PLXNC1: variants seen among roughly 807,000 people sequenced by gnomAD.
PLXNC1 encodes the protein plexin C1.
Under a neutral mutation model 178.2 loss-of-function variants are expected in PLXNC1, and 75 were observed. The ratio of observed to expected loss-of-function variants is 0.42; its 90% confidence interval spans 0.35 to 0.51. PLXNC1 has a LOEUF of 0.51. Among genes scored for constraint, PLXNC1 ranks in the 20% least tolerant of loss-of-function variants. The pLI is 0.02. For synonymous variants in PLXNC1, 790 were observed against 779.9 expected, an observed-to-expected ratio of 1.01 and a Z score of -0.22; for missense variants, 1,503 against 1,984.4, an observed-to-expected ratio of 0.76 and a Z score of 4.61.
At chr12:94,221,750 C>T (rs536185849) in intron 6 of PLXNC1, among the ~76,000 whole-genome samples, 1 of 152,320 alleles carries the variant, frequency 6.6e-6, no homozygotes, top group South Asian at 2.1e-4. Flanking sequence ...TGGCCTCTGA[C>T]TTCGCAGATG....
chr12:94,263,948 C>T (rs762220333), intron 20 of PLXNC1, among the ~76,000 whole-genome samples: 95 of 151,888 alleles, frequency 6.3e-4, no homozygotes, highest in African/African-American at 2.0e-3. Context: ...AACTTGCCTG[C>T]GCAAGGGAAA....
chr12:94,287,866 C>CAAA (rs1966873520), intron 23 of PLXNC1, among the ~76,000 whole-genome samples: 1 of 152,220 alleles, frequency 6.6e-6, no homozygotes, highest in Non-Finnish European at 1.5e-5. Context: ...TGTTCTAGGG[C>CAAA]TTTGACCAAC....
intron 1 of PLXNC1, among the ~76,000 whole-genome samples, chr12:94,158,540 A>G (rs1471245806): frequency 6.6e-6 from 1 of 152,228 alleles, no homozygotes; most frequent in Non-Finnish European, 1.5e-5. Context: ...GCATGCCCAT[A>G]ATCCCAGCAC....
At chr12:94,224,111 C>A in intron 6 of PLXNC1, 117 bp from the exon 7 acceptor site, 1 of 712,506 alleles carries the variant, frequency 1.4e-6, no homozygotes, top group South Asian at 1.5e-5. Flanking sequence ...AAACAGCTGG[C>A]ACGCTCCTGC....
intron 2 of PLXNC1, among the ~76,000 whole-genome samples, chr12:94,170,595 A>G (rs975539657): frequency 6.6e-6 from 1 of 152,056 alleles, no homozygotes; most frequent in Non-Finnish European, 1.5e-5. Context: ...CTTGTGGCTC[A>G]TTCCAAATGT....
chr12:94,169,423 C>G, intron 2 of PLXNC1, 130 bp downstream of exon 2: 1 of 711,400 alleles, frequency 1.4e-6, no homozygotes, highest in East Asian at 2.7e-5. Context: ...CCTTAAAGAC[C>G]CCCAGAAATG....
intron 4 of PLXNC1, among the ~76,000 whole-genome samples, chr12:94,205,995 C>T (rs1292765098): frequency 6.6e-6 from 1 of 152,226 alleles, no homozygotes; most frequent in African/African-American, 2.4e-5. Context: ...CTCTGAGCTT[C>T]TGTTTCATCC....
At chr12:94,303,111 A>G (rs1205670475) in intron 28 of PLXNC1, among the ~76,000 whole-genome samples, 1 of 152,238 alleles carries the variant, frequency 6.6e-6, no homozygotes, top group Non-Finnish European at 1.5e-5. Flanking sequence ...AAATAAAATC[A>G]TATTTAATTT....
chr12:94,252,256 C>T (rs76511554), intron 15 of PLXNC1, among the ~76,000 whole-genome samples: 1,690 of 152,226 alleles, frequency 0.011, 23 homozygotes, highest in African/African-American at 0.038. Flanking sequence ...ATTTTCTGGG[C>T]AGAACCACAC....
Position 94,232,494 on chromosome 12 carries a change from T to A in PLXNC1, c.1981-5170T>A, listed in dbSNP as rs540024594. 1.9e-4 allele frequency among the ~76,000 whole-genome samples: 29 copies of A among 152,324 alleles called. No individual in the cohort carries two copies. The South Asian group carries it at 3.3e-3, about 17-fold the overall frequency. On this transcript the variant is annotated intron_variant, in intron 9 of 30. Coordinates refer to ENST00000258526, the MANE Select transcript of PLXNC1 (RefSeq NM_005761.3). Reference sequence around the variant, plus strand: ...GTGAAATTAAATTTCACATATACCTTGCTGAGTAGCTTCTATGGGCCTAGC... The same window carrying A: ...GTGAAATTAAATTTCACATATACCTAGCTGAGTAGCTTCTATGGGCCTAGC...
At position 94,149,402 on chromosome 12, in the gene PLXNC1, G is replaced by A. The variant is rs1447235086; in HGVS notation, c.431G>A (p.Arg144His). Residue 144 changes from arginine (R) to histidine (H), a missense_variant, in exon 1 of 31, where the codon CGC becomes CAC. Around this residue, in one of 4 missense-constraint regions of PLXNC1, gnomAD observed 73 missense variants for 125.4 expected, o/e 0.58. Coordinates refer to ENST00000258526, the MANE Select transcript of PLXNC1 (RefSeq NM_005761.3). ...GTGCGGCCCCTGGGCAACCTGAGCC[G>A]CAACTCCCTGCGCAACGGCACCGAG... ...CEVRPLGNLS[R>H]NSLRNGTEVV... 1.4e-6 allele frequency: 2 copies of A among 1,432,362 alleles called. No individual in the cohort carries two copies. The highest frequency in any genetic ancestry group is 1.8e-6 in the Non-Finnish European group (2 of 1,102,956). 88.7% of individuals were successfully genotyped at this position (1,432,362 alleles called of 1,614,324 possible).
At chr12:94,176,629 G>C (rs956263281) in intron 2 of PLXNC1, among the ~76,000 whole-genome samples, 1 of 152,054 alleles carries the variant, frequency 6.6e-6, no homozygotes, top group African/African-American at 2.4e-5. Flanking sequence ...CAATGATATT[G>C]TTTAAAACTC....
In PLXNC1 at chr12:94,279,661, C is replaced by T. The variant is rs931619504; in HGVS notation, c.3775+12C>T. On this transcript the variant is annotated intron_variant, in intron 22 of 30. Coordinates refer to ENST00000258526, the MANE Select transcript of PLXNC1 (RefSeq NM_005761.3). The stretch of plus-strand genomic sequence containing the variant: ...TGAAATTGGTCTTGGTAAGGCGGTG[C>T]GGGAGCTATGTGGTCCCAGGCCCTG... The T allele has an allele frequency of 6.2e-6, 10 of 1,612,848 alleles. No homozygotes were observed. Among genetic ancestry groups the T allele is most frequent in the South Asian group, 2.2e-5 (2 of 91,020 alleles).
chr12:94,281,589 T>C (rs1383878809), intron 22 of PLXNC1, among the ~76,000 whole-genome samples: 1 of 106,842 alleles, frequency 9.4e-6, no homozygotes, highest in Non-Finnish European at 1.9e-5. Flanking sequence ...TTAAAAACTT[T>C]TAAAAAAAAT....
intron 8 of PLXNC1, 112 bp from the exon 9 acceptor site, chr12:94,227,034 GGTT>G: frequency 1.3e-6 from 1 of 759,474 alleles, no homozygotes; most frequent in East Asian, 2.5e-5. Context: ...AAAAAAAAAA[GGTT>G]TAACCAAAAA....
chr12:94,228,135 A>T (rs1294002692), intron 9 of PLXNC1, among the ~76,000 whole-genome samples: 1 of 152,270 alleles, frequency 6.6e-6, no homozygotes, highest in Non-Finnish European at 1.5e-5. Flanking sequence ...AAAAGTTTAT[A>T]GTAACTTCAG....
Position 94,297,365 on chromosome 12 carries a change from G to T in PLXNC1, c.4016G>T (p.Arg1339Leu). 6.2e-7 allele frequency: 1 copy of T among 1,613,972 alleles called. No individual in the cohort carries two copies. ...AFQDVQGKRH[R>L]GKHKFKVKEM... The stretch of plus-strand genomic sequence containing the variant: ...CAAGATGTGCAAGGAAAGAGACATC[G>T]AGGGAAGCACAAGTTCAAAGTAAAA... The change falls in exon 26 of 31, where the codon CGA becomes CTA. Residue 1339 changes from arginine (R) to leucine (L), a missense_variant. Coordinates refer to ENST00000258526, the MANE Select transcript of PLXNC1 (RefSeq NM_005761.3).
At chr12:94,202,080 G>A (rs896423403) in intron 4 of PLXNC1, among the ~76,000 whole-genome samples, 5 of 151,970 alleles carry the variant, frequency 3.3e-5, no homozygotes, top group East Asian at 1.9e-4. Context: ...CTCTTGACCC[G>A]ACTACATGGT....
At position 94,169,242 on chromosome 12, in the gene PLXNC1, A is replaced by C. The variant is rs1961749627; in HGVS notation, c.1152A>C (p.Val384=). Residue 384 remains valine, a synonymous_variant, in exon 2 of 31, where the codon GTA becomes GTC. Transcript: ENST00000258526. ...SDLTSVYGTV[V]MNRTVLFLGT... ...TGACATCCGTTTATGGCACCGTGGTAATGAACAGGACTGTTTTATTCTTGG... is the reference window on the plus strand; with the variant it reads ...TGACATCCGTTTATGGCACCGTGGTCATGAACAGGACTGTTTTATTCTTGG... The C allele has an allele frequency of 6.2e-7, 1 of 1,614,060 alleles. No homozygotes were observed. Among genetic ancestry groups the C allele is most frequent in the Non-Finnish European group, 8.5e-7 (1 of 1,179,922 alleles).
Sources: gnomAD v4.1 joint callset for allele counts (sites outside exome capture counted in the v4.1 genomes callset) on GRCh38, gnomAD v4.1.1 for gene constraint, gnomAD v4.1.1 regional missense constraint, MANE v1.5 for transcripts, NCBI Gene and HGNC (gene_info 2026-07-23, HGNC 2026-07-21) for gene names.